Variants in AHRR observed in about 807,000 individuals in gnomAD.
The protein encoded by AHRR is ahR repressor.
Under a neutral mutation model 44.0 loss-of-function variants are expected in AHRR, and 28 were observed. The ratio of observed to expected loss-of-function variants is 0.64; its 90% CI spans 0.47 to 0.87. The LOEUF is 0.87. AHRR is among the 40% of genes least tolerant of loss of function. AHRR has a pLI of 0.00. For missense variants in AHRR, 990 were observed against 953.9 expected (o/e 1.04, Z -0.50); for synonymous variants, 434 against 407.0 (o/e 1.07, Z -0.80).
At position 337,455 on chromosome 5, in the gene AHRR, T is replaced by G. The variant is rs1742180740; in HGVS notation, c.-10-6438T>G. Among the ~76,000 whole-genome samples, 1 of 152,190 alleles carries G rather than the reference T, an allele frequency of 6.6e-6. No individual in the cohort carries two copies. The highest frequency in any genetic ancestry group is 1.5e-5 in the Non-Finnish European group (1 of 68,038). ...GTGCAGTGGTGTGATCTGGGCTCACTGCAGCCTTGACCTCCCAGGCTCAAG... is the reference window on the plus strand; with the variant it reads ...GTGCAGTGGTGTGATCTGGGCTCACGGCAGCCTTGACCTCCCAGGCTCAAG... On this transcript the variant is annotated intron_variant, in intron 1 of 10. Transcript: ENST00000684583. This position sits in a 1 kb window ranked among gnomAD's most constrained non-coding sequence, Gnocchi z 4.1.
At chr5:340,688 A>ATATATATATATATATATATATATATT (rs1269938749) in intron 1 of AHRR, among the ~76,000 whole-genome samples, 1 of 12,928 alleles carries the variant, frequency 7.7e-5, no homozygotes, top group African/African-American at 4.0e-4. Flanking sequence ...ATATATATAT[A>ATATATATATATATATATATATATATT]TTTTTTTTTT....
intron 4 of AHRR, 79 bp downstream of exon 4, chr5:376,795 G>A (rs1044988213): frequency 3.0e-5 from 38 of 1,284,568 alleles, no homozygotes; most frequent in African/African-American, 1.9e-4. Flanking sequence ...GTCATACTCC[G>A]TGTCACGCAT....
intron 4 of AHRR, among the ~76,000 whole-genome samples, chr5:401,949 A>G (rs1444972226): frequency 1.3e-5 from 2 of 152,210 alleles, no homozygotes; most frequent in Non-Finnish European, 2.9e-5. Flanking sequence ...AAATACGCAG[A>G]CAGGCCTGCA....
intron 2 of AHRR, among the ~76,000 whole-genome samples, chr5:349,506 G>A (rs570677954): frequency 9.2e-5 from 14 of 151,980 alleles, no homozygotes; most frequent in East Asian, 1.9e-4. Context: ...CGTGAACTCC[G>A]GAGGCAGAGC....
Position 404,190 on chromosome 5 carries a change from T to A in AHRR, c.352-9154T>A. On this transcript the variant is annotated intron_variant, in intron 4 of 10. Coordinates refer to ENST00000684583, the MANE Select transcript of AHRR (RefSeq NM_001377236.1). The surrounding 1 kb of genome is among the most constrained non-coding windows in gnomAD (Gnocchi z 4.1). ...GCATTCCTGTCACGAGCTGGTCTTC[T>A]GCAGCCTTTGAACCCGTCGCAGCTC... is the stretch of plus-strand genomic sequence containing the variant. 1 of 534,004 alleles carries A rather than the reference T, an allele frequency of 1.9e-6. No individual in the cohort carries two copies. Among genetic ancestry groups the A allele is most frequent in the South Asian group, 1.6e-5 (1 of 62,760 alleles). 33.1% of individuals were successfully genotyped at this position (534,004 alleles called of 1,614,324 possible).
intron 3 of AHRR, among the ~76,000 whole-genome samples, chr5:375,007 TCAGAG>T: frequency 6.6e-6 from 1 of 152,080 alleles, no homozygotes; most frequent in Non-Finnish European, 1.5e-5. Flanking sequence ...TGAGGAGAGC[TCAGAG>T]CAAAGTGTGA....
At position 434,838 on chromosome 5, in the gene AHRR, A is replaced by G. The variant is rs568878950; in HGVS notation, c.*4A>G. On this transcript the variant is annotated 3_prime_UTR_variant, in exon 11 of 11. Transcript: ENST00000684583. ...GGGGTGCACATTCCTGCCATAGCGC[A>G]GTGACCACCATCCAAGCTCAGATCT... 1.9e-6 allele frequency: 3 copies of G among 1,539,942 alleles called. No individual in the cohort carries two copies. The highest frequency in any genetic ancestry group is 2.7e-5 in the African/African-American group (2 of 73,200).
chr5:359,294 ACCCGGGCAG>A, intron 3 of AHRR, among the ~76,000 whole-genome samples: 1 of 38,246 alleles, frequency 2.6e-5, no homozygotes, highest in Non-Finnish European at 8.6e-5. Context: ...CACGGAGTCC[ACCCGGGCAG>A]TCAGCGACTG....
In AHRR at chr5:432,959, C is replaced by CA; in HGVS notation, c.1112+13dup. 6.3e-7 allele frequency: 1 copy of CA among 1,579,442 alleles called. No homozygotes were observed. The highest frequency in any genetic ancestry group is 8.6e-7 in the Non-Finnish European group (1 of 1,162,214). On this transcript the variant is annotated intron_variant, in intron 10 of 10. Transcript: ENST00000684583. Reference sequence around the variant, plus strand: ...AAGGGGGGCTCAGGGTAAGTGGTGCCAGGCAGCCTCCCCCAGCCCTGGCAG... The same window carrying CA: ...AAGGGGGGCTCAGGGTAAGTGGTGCCAAGGCAGCCTCCCCCAGCCCTGGCAG...
intron 3 of AHRR, among the ~76,000 whole-genome samples, chr5:373,788 T>G: frequency 6.7e-6 from 1 of 150,330 alleles, no homozygotes; most frequent in East Asian, 2.0e-4. Context: ...CCGAGCCCCA[T>G]TCCCCGCCAC....
intron 4 of AHRR, among the ~76,000 whole-genome samples, chr5:389,374 C>T (rs775322226): frequency 7.2e-5 from 11 of 152,212 alleles, no homozygotes; most frequent in Non-Finnish European, 1.3e-4. Context: ...ACAGTGGCCA[C>T]CGGTGCCCGA....
intron 7 of AHRR, among the ~76,000 whole-genome samples, chr5:427,156 T>C (rs1031240910): frequency 5.3e-5 from 8 of 152,190 alleles, no homozygotes; most frequent in African/African-American, 1.9e-4. Context: ...TGGAGCCACA[T>C]TGTGGGGTGA....
chr5:427,315 C>G (rs1187012140), intron 7 of AHRR, among the ~76,000 whole-genome samples: 1 of 152,202 alleles, frequency 6.6e-6, no homozygotes. Flanking sequence ...ACTGTACACC[C>G]TAGATAAATA....
Position 376,593 on chromosome 5 carries a change from CT to C in AHRR, c.245-13del. On this transcript the variant is annotated splice_polypyrimidine_tract_variant and intron_variant, in intron 3 of 10. Transcript: ENST00000684583. ...CAAGGGTTGGGGGTGCCTAATGTGTCTTTTCTTCTCTGACAGTCGTGCAGGA... is the reference window on the plus strand; with the variant it reads ...CAAGGGTTGGGGGTGCCTAATGTGTCTTTCTTCTCTGACAGTCGTGCAGGA... 2 of 869,648 alleles carry C rather than the reference CT, an allele frequency of 2.3e-6. No homozygotes were observed. The highest frequency in any genetic ancestry group is 1.4e-6 in the Non-Finnish European group (1 of 729,142). 53.9% of individuals were successfully genotyped at this position (869,648 alleles called of 1,614,324 possible). A position where few individuals can be genotyped will look rare whatever the true frequency, so the allele number is the denominator to read the frequency against.
intron 6 of AHRR, 82 bp downstream of exon 6, chr5:422,940 C>G (rs533285605): frequency 6.7e-7 from 1 of 1,490,110 alleles, no homozygotes; most frequent in Non-Finnish European, 9.0e-7. Context: ...ATGACCCTGT[C>G]GCACCTTCTT....
intron 5 of AHRR, among the ~76,000 whole-genome samples, chr5:415,580 TGGGAGG>T (rs1735736696): frequency 1.1e-5 from 1 of 94,868 alleles, no homozygotes; most frequent in Non-Finnish European, 2.3e-5. Context: ...CCTGGTCTGC[TGGGAGG>T]CCTAGGGGCC....
At chr5:340,677 TA>T (rs1560881486) in intron 1 of AHRR, among the ~76,000 whole-genome samples, 17 of 29,058 alleles carry the variant, frequency 5.9e-4, no homozygotes, top group East Asian at 3.5e-3. Flanking sequence ...TATATATATA[TA>T]TATATATATA....
intron 4 of AHRR, among the ~76,000 whole-genome samples, chr5:400,212 G>A (rs948749109): frequency 1.4e-4 from 22 of 152,248 alleles, no homozygotes; most frequent in Admixed American, 1.4e-3. Context: ...CCATGACCTT[G>A]ACAAAAATAA....
Position 434,577 on chromosome 5 carries a change from C to T in AHRR, c.1837C>T (p.Pro613Ser). Residue 613 changes from proline (P) to serine (S), a missense_variant, in exon 11 of 11, where the codon CCT (proline) becomes TCT (serine). By Grantham distance (74) the Pro-to-Ser change is moderately conservative. Coordinates refer to ENST00000684583, the MANE Select transcript of AHRR (RefSeq NM_001377236.1). ...GRSRELTPFH[P>S]AHCACLEPTD... is the part of the protein sequence containing the mutation. ...CAGCAGGGAGCTGACCCCTTTCCAC[C>T]CTGCACACTGTGCCTGCCTGGAGCC... 1 of 1,581,922 alleles carries T rather than the reference C, an allele frequency of 6.3e-7. No homozygotes were observed. The highest frequency in any genetic ancestry group is 8.6e-7 in the Non-Finnish European group (1 of 1,164,278).
Sources: allele counts gnomAD v4.1 joint callset (sites outside exome capture counted in the v4.1 genomes callset), GRCh38; gene constraint gnomAD v4.1.1; non-coding constraint Gnocchi (gnomAD v3.1); transcripts MANE v1.5; gene names NCBI Gene and HGNC (gene_info 2026-07-23, HGNC 2026-07-21).